The following PDLIM4 variants were observed in gnomAD, a reference collection of about 807,000 sequenced individuals.
The protein encoded by PDLIM4 is PDZ and LIM domain protein 4.
PDLIM4 carries 19 observed loss-of-function variants against 31.3 expected under a neutral mutation model. The observed-to-expected ratio is 0.61, with a 90% CI of 0.42 to 0.89. PDLIM4 has a LOEUF of 0.89. Among genes scored for constraint, PDLIM4 ranks in the 40% least tolerant of loss-of-function variants. PDLIM4 has a pLI of 0.00. For missense variants in PDLIM4, 442 were observed against 461.1 expected (o/e 0.96, Z 0.38); for synonymous variants, 176 against 190.1 (o/e 0.93, Z 0.61).
At chr5:132,264,845 C>T (rs1580799794) in intron 2 of PDLIM4, among the ~76,000 whole-genome samples, 1 of 151,600 alleles carries the variant, frequency 6.6e-6, no homozygotes, top group South Asian at 2.1e-4. Flanking sequence ...TGCTCTCACT[C>T]CCAGGGTTCT....
chr5:132,271,929 C>T lies in PDLIM4; in HGVS notation c.788+21C>T, dbSNP rs1343667806. On this transcript the variant is annotated intron_variant, in intron 6 of 6. Coordinates refer to ENST00000253754, the MANE Select transcript of PDLIM4 (RefSeq NM_003687.4). Reference sequence around the variant, plus strand: ...ATCGTGTGAGTAACCGCCCCCGCTGCCCCTCCCGGACCCTAGCCTTCCAGG... The same window carrying T: ...ATCGTGTGAGTAACCGCCCCCGCTGTCCCTCCCGGACCCTAGCCTTCCAGG... 3 of 1,593,226 alleles carry T rather than the reference C, an allele frequency of 1.9e-6. No individual in the cohort carries two copies. The South Asian group carries it at 3.3e-5, about 18-fold the overall frequency.
intron 1 of PDLIM4, among the ~76,000 whole-genome samples, chr5:132,260,524 C>T (rs959932317): frequency 6.6e-6 from 1 of 152,304 alleles, no homozygotes; most frequent in East Asian, 1.9e-4. Context: ...ATACAACCTT[C>T]CTTCTTCTTT....
chr5:132,264,242 C>T (rs1488684745), intron 2 of PDLIM4, among the ~76,000 whole-genome samples: 1 of 152,134 alleles, frequency 6.6e-6, no homozygotes, highest in Admixed American at 6.6e-5. Flanking sequence ...TCCTTCCTTC[C>T]TTCCTTCCTT....
chr5:132,262,642 C>T lies in PDLIM4; in HGVS notation c.127C>T (p.Leu43=), dbSNP rs945435944. The T allele has an allele frequency of 6.2e-7, 1 of 1,610,782 alleles. No individual in the cohort carries two copies. Among genetic ancestry groups the T allele is most frequent in the Non-Finnish European group, 8.5e-7 (1 of 1,178,612 alleles). The stretch of plus-strand genomic sequence containing the variant: ...TGGCAGCAAGGCTGCATTGGCTGCC[C>T]TGTGCCCAGGAGACCTGATCCAGGC... ...HAGSKAALAA[L]CPGDLIQAIN... is the part of the protein sequence containing the mutation. The change falls in exon 2 of 7, where the codon CTG becomes TTG. Residue 43 remains leucine (L), a synonymous_variant. Coordinates refer to ENST00000253754, the MANE Select transcript of PDLIM4 (RefSeq NM_003687.4).
At chr5:132,262,820 C>T in intron 2 of PDLIM4, 60 bp downstream of exon 2, 2 of 1,524,746 alleles carry the variant, frequency 1.3e-6, no homozygotes, top group South Asian at 1.3e-5. Context: ...TTATGGGCAG[C>T]TGGCATTTTG....
At position 132,271,397 on chromosome 5, in the gene PDLIM4, G is replaced by C. The variant is rs778997358; in HGVS notation, c.601G>C (p.Val201Leu). The change falls in exon 5 of 7, where the codon GTG becomes CTG. Residue 201 changes from valine to leucine, a missense_variant. Transcript: ENST00000253754. ...GATGCTGCGGGAGCCAGCCGAGCCC[G>C]TGGCCGCGGAGCCCAAGCAGTCAGG... ...YRMLREPAEP[V>L]AAEPKQSGSF... 1 of 1,608,016 alleles carries C rather than the reference G, an allele frequency of 6.2e-7. No individual in the cohort carries two copies. The highest frequency in any genetic ancestry group is 8.5e-7 in the Non-Finnish European group (1 of 1,179,666).
At chr5:132,271,650 G>A (rs1351671341) in intron 5 of PDLIM4, 141 bp from the exon 6 acceptor site, 6 of 927,948 alleles carry the variant, frequency 6.5e-6, no homozygotes, top group Non-Finnish European at 1.1e-5. Flanking sequence ...ACCCCCTGTC[G>A]CTGCCCCTCA....
rs1388280193 is a variant in PDLIM4 at position 132,271,340 on chromosome 5, T to A, written c.544T>A (p.Cys182Ser). 2 of 1,601,850 alleles carry A rather than the reference T, an allele frequency of 1.2e-6. No homozygotes were observed. Among genetic ancestry groups the A allele is most frequent in the Admixed American group, 3.3e-5 (2 of 59,932 alleles). The change falls in exon 5 of 7, where the codon TGC (cysteine) becomes AGC (serine). Residue 182 changes from cysteine to serine, a missense_variant. Cys to Ser is a moderately radical substitution (Grantham distance 112, BLOSUM62 -1). Coordinates refer to ENST00000253754, the MANE Select transcript of PDLIM4 (RefSeq NM_003687.4). ...CAGAGGCCTCCCGCGGAGCCGGGACTGCAGAGTCGACCTGGGCTCCGAGGT... is the reference window on the plus strand; with the variant it reads ...CAGAGGCCTCCCGCGGAGCCGGGACAGCAGAGTCGACCTGGGCTCCGAGGT... ...PARGLPRSRD[C>S]RVDLGSEVYR... is the part of the protein sequence containing the mutation.
rs749576916 is a variant in PDLIM4 at position 132,262,678 on chromosome 5, G to A, written c.163G>A (p.Glu55Lys). 2.5e-5 allele frequency: 41 copies of A among 1,613,200 alleles called. No individual in the cohort carries two copies. The highest frequency in any genetic ancestry group is 3.4e-5 in the Non-Finnish European group (40 of 1,179,594). ...PGDLIQAINGESTELMTHLEA... is the reference protein window; with the variant it reads ...PGDLIQAINGKSTELMTHLEA... ...AGACCTGATCCAGGCCATCAATGGT[G>A]AGAGCACAGAGCTCATGACACACCT... The change falls in exon 2 of 7, where the codon GAG becomes AAG. Residue 55 changes from glutamate to lysine, a missense_variant. By Grantham distance (56) the Glu-to-Lys change is moderately conservative. Transcript: ENST00000253754.
chr5:132,264,150 C>G (rs1482612098), intron 2 of PDLIM4, among the ~76,000 whole-genome samples: 1 of 152,150 alleles, frequency 6.6e-6, no homozygotes, highest in Non-Finnish European at 1.5e-5. Context: ...GGAGGAGTGC[C>G]TCAGAGGGGG....
In PDLIM4 at chr5:132,273,310, G is replaced by T. The variant is rs1238834248; in HGVS notation, c.*1081G>T. On this transcript the variant is annotated 3_prime_UTR_variant, in exon 7 of 7. Coordinates refer to ENST00000253754, the MANE Select transcript of PDLIM4 (RefSeq NM_003687.4). ...GTGCTGTTTTCAATTTTGTGCTATC[G>T]CAAATCACAAAAAAACTGTTATCAA... is the stretch of plus-strand genomic sequence containing the variant. 3 of 152,112 alleles carry T rather than the reference G, an allele frequency of 2.0e-5. No homozygotes were observed. The highest frequency in any genetic ancestry group is 1.9e-4 in the East Asian group (1 of 5,192). The allele number at this position is 152,112 out of a possible 1,614,324, so 9.4% of individuals were successfully genotyped here. A position where few individuals can be genotyped will look rare whatever the true frequency, so the allele number is the denominator to read the frequency against.
chr5:132,270,623 GGGCAGAACCACT>G (rs1756586509), intron 3 of PDLIM4: 5 of 501,220 alleles, frequency 1.0e-5, no homozygotes, highest in Non-Finnish European at 1.4e-5. Context: ...GAGTGGTGGT[GGGCAGAACCACT>G]GCAGGGCTCA....
chr5:132,264,078 C>T (rs1430864129), intron 2 of PDLIM4, among the ~76,000 whole-genome samples: 1 of 152,192 alleles, frequency 6.6e-6, no homozygotes, highest in African/African-American at 2.4e-5. Flanking sequence ...GCCCCTGACT[C>T]ACCTCCAGCC....
intron 1 of PDLIM4, among the ~76,000 whole-genome samples, chr5:132,259,306 C>A (rs1206136880): frequency 6.6e-6 from 1 of 152,052 alleles, no homozygotes; most frequent in Admixed American, 6.5e-5. Context: ...CGGCTGCAGG[C>A]GGCAGGGAGC....
intron 2 of PDLIM4, among the ~76,000 whole-genome samples, chr5:132,263,057 G>A (rs1343177326): frequency 2.1e-5 from 1 of 47,352 alleles, no homozygotes; most frequent in African/African-American, 6.0e-5. Context: ...TGGGGCATTT[G>A]TTTCATTCCT....
Position 132,266,524 on chromosome 5 carries a change from C to A in PDLIM4, c.306C>A (p.Ile102=), listed in dbSNP as rs761928077. The change falls in exon 3 of 7, where the codon ATC becomes ATA. Residue 102 remains isoleucine (I), a synonymous_variant. Coordinates refer to ENST00000253754, the MANE Select transcript of PDLIM4 (RefSeq NM_003687.4). ...ACAGCAAGGCTCAGGCACACAGGAT[C>A]CACATCGATCCTGAGATCCAGGTAT... ...PDDSKAQAHR[I]HIDPEIQDGS... 6.2e-7 allele frequency: 1 copy of A among 1,612,578 alleles called. No homozygotes were observed. Among genetic ancestry groups the A allele is most frequent in the Non-Finnish European group, 8.5e-7 (1 of 1,178,856 alleles).
At chr5:132,263,857 C>T (rs958066983) in intron 2 of PDLIM4, among the ~76,000 whole-genome samples, 1 of 152,198 alleles carries the variant, frequency 6.6e-6, no homozygotes, top group Non-Finnish European at 1.5e-5. Context: ...TGAGGATGCT[C>T]CATCTTTGGA....
intron 1 of PDLIM4, chr5:132,261,623 A>C (rs1043713689): frequency 6.6e-6 from 1 of 152,242 alleles, no homozygotes; most frequent in Non-Finnish European, 1.5e-5. Flanking sequence ...TGAGTTGCTT[A>C]CTTAGATATC....
At chr5:132,263,757 G>A (rs1011508776) in intron 2 of PDLIM4, among the ~76,000 whole-genome samples, 1 of 152,218 alleles carries the variant, frequency 6.6e-6, no homozygotes, top group Non-Finnish European at 1.5e-5. Context: ...GAGCTGGCAG[G>A]GTGGGAGGTA....
Sources: gnomAD v4.1 joint callset for allele counts (sites outside exome capture counted in the v4.1 genomes callset) on GRCh38, gnomAD v4.1.1 for gene constraint, MANE v1.5 for transcripts, NCBI Gene and HGNC (gene_info 2026-07-23, HGNC 2026-07-21) for gene names.